CENPW: variants seen among roughly 807,000 people sequenced by gnomAD.
The protein encoded by CENPW is centromere protein W.
A neutral mutation model predicts 11.1 loss-of-function variants in CENPW; 3 were observed. That is an observed-to-expected ratio of 0.27 (90% CI 0.12 to 0.70). The LOEUF (loss-of-function observed/expected upper bound fraction) is 0.70, where lower values mean the gene tolerates loss of function less well. CENPW is among the 30% of genes least tolerant of loss of function. The pLI is 0.77. For missense variants in CENPW, 100 were observed against 105.6 expected (o/e 0.95, Z 0.23); for synonymous variants, 38 against 42.0 (o/e 0.91, Z 0.37).
chr6:126,438,489 T>C, the CENPW span, among the ~76,000 whole-genome samples: 1 of 115,884 alleles, frequency 8.6e-6, no homozygotes, highest in Non-Finnish European at 1.9e-5. Flanking sequence ...TTCATGTGGA[T>C]ACAGTGTTGT....
At chr6:126,460,255 A>T in the CENPW span, among the ~76,000 whole-genome samples, 2 of 151,594 alleles carry the variant, frequency 1.3e-5, no homozygotes, top group Non-Finnish European at 3.0e-5. Context: ...TACATTTGGG[A>T]CCCTTAATTT....
chr6:126,376,158 C>T, the CENPW span, among the ~76,000 whole-genome samples: 1 of 152,114 alleles, frequency 6.6e-6, no homozygotes, highest in Non-Finnish European at 1.5e-5. Context: ...TTACTTGATA[C>T]TGAGGCGAGT....
chr6:126,372,074 T>G, the CENPW span, among the ~76,000 whole-genome samples: 1 of 152,046 alleles, frequency 6.6e-6, no homozygotes, highest in East Asian at 1.9e-4. Context: ...TTATTTTGTT[T>G]CAATTTCATT....
the CENPW span, among the ~76,000 whole-genome samples, chr6:126,478,862 C>G: frequency 6.6e-6 from 1 of 151,984 alleles, no homozygotes; most frequent in Admixed American, 6.6e-5. Context: ...ACTGAGTTCT[C>G]CTGTTTCAGA....
At chr6:126,455,862 A>G in the CENPW span, among the ~76,000 whole-genome samples, 1 of 151,342 alleles carries the variant, frequency 6.6e-6, no homozygotes, top group Non-Finnish European at 1.5e-5. Flanking sequence ...ATTAAAAAAA[A>G]CTTCAGCAAA....
At chr6:126,341,237 C>A (rs961869033) in intron 1 of CENPW, among the ~76,000 whole-genome samples, 1 of 152,258 alleles carries the variant, frequency 6.6e-6, no homozygotes, top group African/African-American at 2.4e-5. Flanking sequence ...AGGTTTAAAC[C>A]ACTGGAGGCA....
At chr6:126,424,088 A>G in the CENPW span, among the ~76,000 whole-genome samples, 4 of 152,134 alleles carry the variant, frequency 2.6e-5, no homozygotes, top group Admixed American at 6.6e-5. Context: ...TGCTTTTTAC[A>G]CTGTGGTGAA....
At chr6:126,353,654 T>C (rs1780516339), downstream of CENPW, among the ~76,000 whole-genome samples, 1 of 151,980 alleles carries the variant, frequency 6.6e-6, no homozygotes, top group Non-Finnish European at 1.5e-5. Context: ...TTCTTGGCCA[T>C]TCTCTTTTCA....
chr6:126,430,499 A>C, the CENPW span, among the ~76,000 whole-genome samples: 478 of 152,328 alleles, frequency 3.1e-3, no homozygotes, highest in African/African-American at 0.011. Context: ...CATTGAACAA[A>C]TGGAGCAGGC....
At chr6:126,351,404 G>C (rs1780489368), downstream of CENPW, among the ~76,000 whole-genome samples, 1 of 152,042 alleles carries the variant, frequency 6.6e-6, no homozygotes, top group Admixed American at 6.6e-5. Context: ...CTAAACCAAA[G>C]TCAAAATGAG....
chr6:126,436,936 C>T, the CENPW span, among the ~76,000 whole-genome samples: 24 of 151,526 alleles, frequency 1.6e-4, no homozygotes, highest in African/African-American at 5.3e-4. Flanking sequence ...TGATAGTTTA[C>T]GTTGGAGAGT....
chr6:126,482,056 C>T, the CENPW span, among the ~76,000 whole-genome samples: 20 of 152,068 alleles, frequency 1.3e-4, no homozygotes, highest in African/African-American at 4.8e-4. Flanking sequence ...TCAAAAACAT[C>T]CCAAAATGCT....
the CENPW span, among the ~76,000 whole-genome samples, chr6:126,416,193 G>C: frequency 6.6e-6 from 1 of 152,140 alleles, no homozygotes; most frequent in Non-Finnish European, 1.5e-5. Flanking sequence ...AAAGAGACTG[G>C]CAGCATTTTG....
At chr6:126,402,458 A>T in the CENPW span, among the ~76,000 whole-genome samples, 1 of 152,028 alleles carries the variant, frequency 6.6e-6, no homozygotes, top group Non-Finnish European at 1.5e-5. Context: ...AGAATATCTT[A>T]ATCACAGCAA....
the CENPW span, among the ~76,000 whole-genome samples, chr6:126,391,457 C>T: frequency 2.6e-5 from 4 of 151,824 alleles, no homozygotes; most frequent in Non-Finnish European, 4.4e-5. Flanking sequence ...CTTTGCTGTG[C>T]AGAAGCTTTT....
At position 126,340,397 on chromosome 6, in the gene CENPW, T is replaced by C. The variant is rs758426987; in HGVS notation, c.124T>C (p.Leu42=). The part of the protein sequence containing the change: ...QLRLEKSGDL[L]VHLNCLLFVH... ...TCGTCTGGAGAAAAGTGGTGACTTA[T>C]TGGTGAGATTCCATCCCTTCTCGGG... The change falls in exon 1 of 3, where the codon TTG becomes CTG. Residue 42 remains leucine, a splice_region_variant and synonymous_variant. Transcript: ENST00000368328. 5 of 1,614,172 alleles carry C rather than the reference T, an allele frequency of 3.1e-6. No individual in the cohort carries two copies. The highest frequency in any genetic ancestry group is 1.3e-5 in the African/African-American group (1 of 75,044).
In CENPW at chr6:126,346,285, C is replaced by T. The variant is rs1304762945; in HGVS notation, c.207C>T (p.Val69=). 1 of 1,607,542 alleles carries T rather than the reference C, an allele frequency of 6.2e-7. No homozygotes were observed. Among genetic ancestry groups the T allele is most frequent in the East Asian group, 2.2e-5 (1 of 44,774 alleles). ...RTNACASKCR[V]INKEHVLAAA... ...ACGCTTGTGCGAGTAAATGTAGAGT[C>T]ATTAACAAGGAGCATGTACTGGCCG... The change falls in exon 2 of 3, where the codon GTC becomes GTT. Residue 69 remains valine (V), a synonymous_variant. Coordinates refer to ENST00000368328, the MANE Select transcript of CENPW (RefSeq NM_001012507.4).
chr6:126,397,489 C>T, the CENPW span, among the ~76,000 whole-genome samples: 3 of 152,126 alleles, frequency 2.0e-5, 1 homozygote, highest in South Asian at 6.2e-4. Context: ...TTCAGTGCGT[C>T]TTTCAGTAAT....
the CENPW span, among the ~76,000 whole-genome samples, chr6:126,385,574 C>G: frequency 6.6e-6 from 1 of 152,072 alleles, no homozygotes; most frequent in African/African-American, 2.4e-5. Flanking sequence ...TGTCCCCACC[C>G]AAATCTCATC....
Sources: gnomAD v4.1 joint callset for allele counts (sites outside exome capture counted in the v4.1 genomes callset) on GRCh38, gnomAD v4.1.1 for gene constraint, MANE v1.5 for transcripts, NCBI Gene and HGNC (gene_info 2026-07-23, HGNC 2026-07-21) for gene names.